The following AGBL1 variants were observed in gnomAD, a reference collection of about 807,000 sequenced individuals.
The protein encoded by AGBL1 is AGBL carboxypeptidase 1.
A neutral mutation model predicts 118.9 loss-of-function variants in AGBL1; 130 were observed. The observed-to-expected ratio is 1.09, with a 90% confidence interval of 0.95 to 1.26. AGBL1 has a LOEUF of 1.26. Among genes scored for constraint, AGBL1 ranks in the 50% most tolerant of loss-of-function variants. The pLI is 0.00. For synonymous variants in AGBL1, 555 were observed against 478.9 expected, an observed-to-expected ratio of 1.16 and a Z score of -2.08; for missense variants, 1,584 against 1,298.1, an observed-to-expected ratio of 1.22 and a Z score of -3.38.
intron 22 of AGBL1, among the ~76,000 whole-genome samples, chr15:86,703,074 A>G (rs2086388045): frequency 6.6e-6 from 1 of 152,168 alleles, no homozygotes; most frequent in Admixed American, 6.5e-5. Flanking sequence ...AGAATCCAAG[A>G]GAATAATTTT....
chr15:86,802,264 T>C (rs74418969), intron 22 of AGBL1, among the ~76,000 whole-genome samples: 686 of 143,994 alleles, frequency 4.8e-3, no homozygotes, highest in Non-Finnish European at 8.9e-3. Flanking sequence ...CCAGATGCTT[T>C]CTAATGAGGT....
intron 5 of AGBL1, among the ~76,000 whole-genome samples, chr15:86,213,920 T>A (rs1375644798): frequency 6.6e-6 from 1 of 152,136 alleles, no homozygotes; most frequent in Non-Finnish European, 1.5e-5. Flanking sequence ...AACTTCCCAC[T>A]CCCCTTCCCC....
chr15:86,569,485 T>C (rs147392288), intron 21 of AGBL1, among the ~76,000 whole-genome samples: 66 of 152,324 alleles, frequency 4.3e-4, no homozygotes, highest in African/African-American at 1.5e-3. Flanking sequence ...GCCATTTATG[T>C]TGACACTCTG....
At chr15:86,398,440 A>G (rs974852517) in intron 18 of AGBL1, among the ~76,000 whole-genome samples, 1 of 152,220 alleles carries the variant, frequency 6.6e-6, no homozygotes, top group African/African-American at 2.4e-5. Flanking sequence ...AGAATACAAG[A>G]TAAACTGAAA....
Position 86,514,616 on chromosome 15 carries a change from A to G in AGBL1, c.2556-8194A>G, listed in dbSNP as rs74025168. Among the ~76,000 whole-genome samples the G allele has an allele frequency of 1.4e-3, 209 of 152,206 alleles. 1 individual carries two copies. Among genetic ancestry groups the G allele is most frequent in the African/African-American group, 4.7e-3 (197 of 41,546 alleles). ...ATTGATATGAATATGTGAAATGTTAACTTGGTTCTAAAAGTTGAAATTAGA... is the reference window on the plus strand; with the variant it reads ...ATTGATATGAATATGTGAAATGTTAGCTTGGTTCTAAAAGTTGAAATTAGA... On this transcript the variant is annotated intron_variant, in intron 18 of 22. Transcript: ENST00000614907.
At chr15:86,667,950 G>A (rs2085675938) in intron 21 of AGBL1, among the ~76,000 whole-genome samples, 1 of 152,204 alleles carries the variant, frequency 6.6e-6, no homozygotes, top group Admixed American at 6.5e-5. Context: ...CACAGCATCT[G>A]CTCAGCTTCT....
At chr15:86,336,870 C>A (rs1013855853) in intron 17 of AGBL1, among the ~76,000 whole-genome samples, 2 of 152,222 alleles carry the variant, frequency 1.3e-5, no homozygotes, top group African/African-American at 2.4e-5. Flanking sequence ...GACACATGAT[C>A]TTTGCATACC....
rs561139774 is a variant in AGBL1 at position 87,020,145 on chromosome 15, A to G, written c.3324-8680A>G. 1.2e-4 allele frequency among the ~76,000 whole-genome samples: 18 copies of G among 152,264 alleles called. No individual in the cohort carries two copies. The South Asian group carries it at 3.5e-3, about 30-fold the overall frequency. On this transcript the variant is annotated intron_variant, in intron 24 of 24. Coordinates refer to the AGBL1 transcript ENST00000441037. The stretch of plus-strand genomic sequence containing the variant: ...ATAGCCTACCAATCAAAAAAAGCCC[A>G]GGACCAGAAGAATTTACAGCTGAAT...
chr15:86,157,053 G>A (rs907470122), intron 4 of AGBL1, among the ~76,000 whole-genome samples: 2 of 152,108 alleles, frequency 1.3e-5, no homozygotes, highest in Admixed American at 1.3e-4. Flanking sequence ...GCCTCCCAAA[G>A]TGCTGAGATT....
At chr15:86,147,651 C>A (rs953218339) in intron 3 of AGBL1, among the ~76,000 whole-genome samples, 1 of 152,190 alleles carries the variant, frequency 6.6e-6, no homozygotes, top group African/African-American at 2.4e-5. Flanking sequence ...AGGCCTACTG[C>A]CTCTAGACTC....
At chr15:86,986,887 T>C (rs954240262) in intron 23 of AGBL1, among the ~76,000 whole-genome samples, 2 of 151,942 alleles carry the variant, frequency 1.3e-5, no homozygotes, top group African/African-American at 4.8e-5. Flanking sequence ...GCGGGCTGAG[T>C]CTGAAAAGAG....
At chr15:86,717,750 C>A (rs1426047958) in intron 22 of AGBL1, among the ~76,000 whole-genome samples, 1 of 152,268 alleles carries the variant, frequency 6.6e-6, no homozygotes, top group South Asian at 2.1e-4. Context: ...TATAGTATCA[C>A]AGCCATATTT....
At chr15:86,882,770 A>G (rs2079914281) in intron 22 of AGBL1, among the ~76,000 whole-genome samples, 1 of 152,148 alleles carries the variant, frequency 6.6e-6, no homozygotes, top group Non-Finnish European at 1.5e-5. Context: ...CACTGGAGGC[A>G]TTTTCTCTAA....
chr15:86,861,413 C>T (rs538110469), intron 22 of AGBL1, among the ~76,000 whole-genome samples: 1 of 152,294 alleles, frequency 6.6e-6, no homozygotes. Flanking sequence ...TTCTCAAAAT[C>T]TTTTGAGTTA....
chr15:86,430,018 T>A (rs961187), intron 18 of AGBL1, among the ~76,000 whole-genome samples: 1 of 152,018 alleles, frequency 6.6e-6, no homozygotes, highest in South Asian at 2.1e-4. Context: ...GGTGTCTACA[T>A]TGATGTAGCC....
chr15:86,855,965 C>CT (rs2079474474), intron 22 of AGBL1, among the ~76,000 whole-genome samples: 1 of 152,178 alleles, frequency 6.6e-6, no homozygotes, highest in African/African-American at 2.4e-5. Flanking sequence ...TAATGGCAGC[C>CT]TTTAAAACCC....
chr15:86,679,361 T>A (rs1457714075), intron 22 of AGBL1, among the ~76,000 whole-genome samples: 1 of 152,084 alleles, frequency 6.6e-6, no homozygotes, highest in Non-Finnish European at 1.5e-5. Flanking sequence ...AAAATGTGTA[T>A]TTTTCACTAC....
chr15:86,140,379 A>C (rs1291082605), intron 1 of AGBL1: 1 of 151,998 alleles, frequency 6.6e-6, no homozygotes, highest in Non-Finnish European at 1.5e-5. Context: ...AAGTGTAGGC[A>C]TCATGTGCCT....
chr15:86,890,006 C>T (rs1163409360), intron 22 of AGBL1, among the ~76,000 whole-genome samples: 1 of 152,174 alleles, frequency 6.6e-6, no homozygotes, highest in Non-Finnish European at 1.5e-5. Context: ...AATTTGTAGT[C>T]CCACCAACAG....
Sources: allele counts gnomAD v4.1 joint callset (sites outside exome capture counted in the v4.1 genomes callset), GRCh38; gene constraint gnomAD v4.1.1; transcripts MANE v1.5; gene names NCBI Gene and HGNC (gene_info 2026-07-23, HGNC 2026-07-21).